GRIP1: variants seen among roughly 807,000 people sequenced by gnomAD.
The protein encoded by GRIP1 is glutamate receptor-interacting protein 1.
GRIP1 carries 45 observed loss-of-function variants against 129.9 expected under a neutral mutation model. That is an observed-to-expected ratio of 0.35 (90% CI 0.27 to 0.44). The LOEUF (loss-of-function observed/expected upper bound fraction) is 0.44, where lower values mean the gene tolerates loss of function less well. Ranked by LOEUF, GRIP1 falls within the 20% of genes least tolerant of loss-of-function variation. The pLI is 1.00. For synonymous variants in GRIP1, 530 were observed against 520.8 expected (o/e 1.02, Z -0.24); for missense variants, 1,196 against 1,396.8 (o/e 0.86, Z 2.29).
At chr12:66,983,600 TTAA>T (rs1319101813) in intron 1 of GRIP1, among the ~76,000 whole-genome samples, 4 of 152,216 alleles carry the variant, frequency 2.6e-5, no homozygotes, top group African/African-American at 7.2e-5. Context: ...TTACTGTAAC[TTAA>T]TAATAAAACC....
intron 1 of GRIP1, among the ~76,000 whole-genome samples, chr12:66,699,464 A>C (rs2035276039): frequency 6.6e-6 from 1 of 152,238 alleles, no homozygotes; most frequent in Non-Finnish European, 1.5e-5. Flanking sequence ...GTAGTGAATA[A>C]GTCTCATGAG....
At chr12:66,395,967 C>T (rs1203403918) in intron 16 of GRIP1, among the ~76,000 whole-genome samples, 1 of 152,132 alleles carries the variant, frequency 6.6e-6, no homozygotes, top group Non-Finnish European at 1.5e-5. Flanking sequence ...AATTTTCCTA[C>T]AGTACGATAT....
At chr12:66,510,086 C>T (rs2060652846) in intron 7 of GRIP1, among the ~76,000 whole-genome samples, 1 of 152,122 alleles carries the variant, frequency 6.6e-6, no homozygotes, top group Non-Finnish European at 1.5e-5. Flanking sequence ...TTCCCATATG[C>T]ATTTTAAATA....
chr12:66,364,129 G>A (rs2054978614), intron 23 of GRIP1, among the ~76,000 whole-genome samples: 3 of 151,906 alleles, frequency 2.0e-5, no homozygotes, highest in South Asian at 4.2e-4. Flanking sequence ...AGCCAGGCAT[G>A]GTGGCATGCA....
intron 1 of GRIP1, among the ~76,000 whole-genome samples, chr12:66,891,318 T>C (rs894647194): frequency 4.6e-5 from 7 of 152,150 alleles, no homozygotes; most frequent in Non-Finnish European, 1.0e-4. Flanking sequence ...GTCCAGAACC[T>C]CTCAAGGGCT....
intron 1 of GRIP1, among the ~76,000 whole-genome samples, chr12:66,645,563 T>C (rs2032293771): frequency 6.6e-6 from 1 of 152,210 alleles, no homozygotes; most frequent in Non-Finnish European, 1.5e-5. Context: ...GCCAGAGCTT[T>C]GCCACTCAAA....
intron 1 of GRIP1, among the ~76,000 whole-genome samples, chr12:66,938,686 T>C (rs750441318): frequency 8.3e-4 from 126 of 151,504 alleles, no homozygotes; most frequent in Middle Eastern, 6.8e-3. Flanking sequence ...AGGCCAGGCA[T>C]AGTGGCTCAT....
intron 1 of GRIP1, among the ~76,000 whole-genome samples, chr12:67,030,869 A>G (rs1173976180): frequency 6.6e-6 from 1 of 151,962 alleles, no homozygotes; most frequent in South Asian, 2.1e-4. Context: ...ACAGCAACAA[A>G]GTTAGTTAGA....
At chr12:66,379,251 G>C (rs1238430518) in intron 20 of GRIP1, 29 bp downstream of exon 20, 1 of 1,608,554 alleles carries the variant, frequency 6.2e-7, no homozygotes, top group East Asian at 2.2e-5. Context: ...AGTCATCTTG[G>C]ATGAGGCAGC....
At position 66,541,840 on chromosome 12, in the gene GRIP1, G is replaced by C. The variant is rs372060268; in HGVS notation, c.247C>G (p.Leu83Val). The part of the protein sequence containing the change: ...DKDGKPRVSN[L>V]RQGGIAARSD... Reference sequence around the variant, plus strand: ...CTAGCAGCAATTCCTCCTTGCCGCAGATTAGATACTCTTGGCTTGCCATCC... The same window carrying C: ...CTAGCAGCAATTCCTCCTTGCCGCACATTAGATACTCTTGGCTTGCCATCC... The change falls in exon 3 of 25, where the codon CTG becomes GTG. Residue 83 changes from leucine (L) to valine (V), a missense_variant. By Grantham distance (32) the Leu-to-Val change is conservative. This residue lies in a region of GRIP1 where 217 missense variants were observed against 224.8 expected (regional missense o/e 0.97). Transcript: ENST00000359742. The C allele has an allele frequency of 7.4e-6, 12 of 1,613,986 alleles. No individual in the cohort carries two copies. The highest frequency in any genetic ancestry group is 1.3e-5 in the African/African-American group (1 of 74,934).
At chr12:66,558,162 A>G (rs7970277) in intron 2 of GRIP1, among the ~76,000 whole-genome samples, 62,635 of 151,920 alleles carry the variant, frequency 0.41, 13,103 homozygotes, top group African/African-American at 0.46. Flanking sequence ...CAAAGGACCT[A>G]TATTAGTCCG....
chr12:66,660,260 T>C (rs191915534), intron 1 of GRIP1, among the ~76,000 whole-genome samples: 258 of 130,666 alleles, frequency 2.0e-3, no homozygotes, highest in Middle Eastern at 0.012. Context: ...TAGCTAAATA[T>C]TAAATATCAA....
rs187068657 is a variant in GRIP1 at position 66,376,066 on chromosome 12, T to C, written c.2778+951A>G. Among the ~76,000 whole-genome samples, 8 of 152,362 alleles carry C rather than the reference T, an allele frequency of 5.3e-5. No homozygotes were observed. In the East Asian group the frequency reaches 1.5e-3, roughly 29 times the overall value. ...TGAAAGTTGTATAAAAATGAATCAT[T>C]GCTAACATCTTACTTCATTTAGATT... On this transcript the variant is annotated intron_variant, in intron 22 of 24. Transcript: ENST00000359742.
intron 1 of GRIP1, among the ~76,000 whole-genome samples, chr12:66,949,572 TAGA>T: frequency 6.6e-6 from 1 of 152,292 alleles, no homozygotes; most frequent in African/African-American, 2.4e-5. Context: ...AAATCTTTTC[TAGA>T]AGAATGATTT....
At chr12:66,973,759 G>C (rs11176510) in intron 1 of GRIP1, among the ~76,000 whole-genome samples, 6 of 151,934 alleles carry the variant, frequency 3.9e-5, no homozygotes, top group Non-Finnish European at 7.4e-5. Context: ...GTACATATCA[G>C]GTACAAGTGC....
At chr12:66,409,653 C>G (rs2057316205) in intron 15 of GRIP1, among the ~76,000 whole-genome samples, 2 of 152,226 alleles carry the variant, frequency 1.3e-5, no homozygotes, top group South Asian at 4.1e-4. Context: ...CCATGAGCAT[C>G]AAGACCATCT....
chr12:66,457,355 AT>A (rs1467488288), intron 9 of GRIP1, among the ~76,000 whole-genome samples: 12 of 152,092 alleles, frequency 7.9e-5, no homozygotes, highest in Non-Finnish European at 1.5e-4. Context: ...GTAATCTTGA[AT>A]TCCTGGGTTC....
intron 1 of GRIP1, among the ~76,000 whole-genome samples, chr12:66,921,004 C>G (rs112109510): frequency 2.6e-5 from 4 of 152,130 alleles, no homozygotes; most frequent in Admixed American, 2.6e-4. Flanking sequence ...TGAACATAAC[C>G]GTCTAGGAAA....
chr12:66,789,795 C>A (rs1271006502), intron 1 of GRIP1, among the ~76,000 whole-genome samples: 1 of 152,068 alleles, frequency 6.6e-6, no homozygotes, highest in Non-Finnish European at 1.5e-5. Context: ...AAGATAGTTA[C>A]AGTAATTGTT....
Sources: gnomAD v4.1 joint callset for allele counts (sites outside exome capture counted in the v4.1 genomes callset) on GRCh38, gnomAD v4.1.1 for gene constraint, gnomAD v4.1.1 regional missense constraint, MANE v1.5 for transcripts, NCBI Gene and HGNC (gene_info 2026-07-23, HGNC 2026-07-21) for gene names.